TTC22: variants seen among roughly 807,000 people sequenced by gnomAD.
The protein encoded by TTC22 is tetratricopeptide repeat domain 22.
In TTC22, 42 loss-of-function variants were observed where a neutral mutation model predicts 48.2. The ratio of observed to expected loss-of-function variants is 0.87; its 90% CI spans 0.68 to 1.13. TTC22 has a LOEUF of 1.13. Ranked by LOEUF, TTC22 falls within the 50% of genes most tolerant of loss-of-function variation. The pLI is 0.00. For missense variants in TTC22, 784 were observed against 807.0 expected (o/e 0.97, Z 0.34); for synonymous variants, 345 against 365.5 (o/e 0.94, Z 0.64).
chr1:54,794,517 A>G (rs1646375923), intron 1 of TTC22, among the ~76,000 whole-genome samples: 1 of 152,202 alleles, frequency 6.6e-6, no homozygotes, highest in Non-Finnish European at 1.5e-5. Context: ...TCTTAAGGAA[A>G]ATATTTGCCT....
intron 5 of TTC22, among the ~76,000 whole-genome samples, chr1:54,783,601 G>A (rs1433023450): frequency 1.3e-5 from 2 of 152,158 alleles, no homozygotes; most frequent in Non-Finnish European, 2.9e-5. Flanking sequence ...TATATGTTTT[G>A]GGGGAGAGAG....
chr1:54,787,253 T>A (rs1167326023), intron 3 of TTC22, 178 bp from the exon 4 acceptor site: 1 of 538,978 alleles, frequency 1.9e-6, no homozygotes, highest in Admixed American at 3.6e-5. Context: ...ATGTGAGGGG[T>A]TAGTGAACCC....
chr1:54,796,201 C>G (rs904618001), intron 1 of TTC22, among the ~76,000 whole-genome samples: 43 of 152,246 alleles, frequency 2.8e-4, no homozygotes, highest in Non-Finnish European at 1.9e-4. Flanking sequence ...CGCGTGCGCA[C>G]GTGTGGACAC....
chr1:54,786,311 G>T, intron 4 of TTC22, 167 bp from the exon 5 acceptor site: 1 of 612,956 alleles, frequency 1.6e-6, no homozygotes, highest in East Asian at 2.9e-5. Context: ...GTCACATCAC[G>T]AAGCCCCAAC....
intron 6 of TTC22, 130 bp from the exon 7 acceptor site, chr1:54,781,909 T>G: frequency 1.2e-6 from 1 of 863,638 alleles, no homozygotes; most frequent in South Asian, 2.3e-5. Context: ...CGACAATTAT[T>G]AATCACACGT....
chr1:54,785,577 C>T (rs1352519613), intron 5 of TTC22: 4 of 450,862 alleles, frequency 8.9e-6, no homozygotes, highest in Admixed American at 4.8e-5. Flanking sequence ...TTTGGGAGGT[C>T]GAGGTGGGAG....
chr1:54,788,239 C>G (rs1359950357), intron 1 of TTC22, 142 bp from the exon 2 acceptor site: 1 of 775,902 alleles, frequency 1.3e-6, no homozygotes, highest in African/African-American at 1.7e-5. Flanking sequence ...GATTACAGTC[C>G]TGGTTCTGCC....
At chr1:54,794,712 T>C (rs1375300092) in intron 1 of TTC22, 1 of 152,074 alleles carries the variant, frequency 6.6e-6, no homozygotes, top group East Asian at 1.9e-4. Flanking sequence ...CCTCAGAAGG[T>C]ATAATGCATC....
chr1:54,791,384 G>A (rs1490309643), intron 1 of TTC22, among the ~76,000 whole-genome samples: 3 of 152,200 alleles, frequency 2.0e-5, no homozygotes, highest in Non-Finnish European at 4.4e-5. Flanking sequence ...TGAGATGGGT[G>A]ACCTTGGGGG....
chr1:54,782,247 G>T (rs1646268432), intron 6 of TTC22, 78 bp downstream of exon 6: 1 of 1,397,562 alleles, frequency 7.2e-7, no homozygotes, highest in African/African-American at 1.5e-5. Context: ...CTGCATCTTG[G>T]CCTAGCCCTT....
chr1:54,787,303 A>C, intron 3 of TTC22: 1 of 544,400 alleles, frequency 1.8e-6, no homozygotes, highest in African/African-American at 1.9e-5. Context: ...TCATCGGGGG[A>C]CCTAATTTCA....
chr1:54,785,917 T>C (rs1646296459), intron 5 of TTC22, 66 bp downstream of exon 5: 1 of 1,523,142 alleles, frequency 6.6e-7, no homozygotes, highest in Admixed American at 1.9e-5. Flanking sequence ...CAACAGGGTC[T>C]TGGCCTCTGG....
rs1253596022 is a variant in TTC22 at position 54,781,321 on chromosome 1, C to T, written c.1632G>A (p.Val544=). The stretch of plus-strand genomic sequence containing the variant: ...GCTCCATGGTCTCGAAGAGCAGCCG[C>T]ACCAGCGCCGGCCGTCCCTGGGCCA... ...ALVAQGRPAL[V]RLLFETMERE... is the part of the protein sequence containing the mutation. The change falls in exon 7 of 7, where the codon GTG becomes GTA. Residue 544 remains valine (V), a synonymous_variant. Transcript: ENST00000371276. 8.3e-6 allele frequency: 12 copies of T among 1,439,082 alleles called. No homozygotes were observed. The highest frequency in any genetic ancestry group is 1.1e-5 in the Non-Finnish European group (12 of 1,107,046). The allele number at this position is 1,439,082 out of a possible 1,614,324, so 89.1% of individuals were successfully genotyped here.
intron 1 of TTC22, among the ~76,000 whole-genome samples, chr1:54,800,186 C>G (rs753172397): frequency 2.0e-5 from 3 of 152,116 alleles, no homozygotes; most frequent in Non-Finnish European, 4.4e-5. Flanking sequence ...GCTGTGCTTC[C>G]CTGTGCTCCC....
rs377232912 is a variant in TTC22, at chr1:54,783,678, C to T, written c.1021-1201G>A. Among the ~76,000 whole-genome samples, 120 of 152,198 alleles carry T rather than the reference C, an allele frequency of 7.9e-4. 1 individual carries two copies. The South Asian group carries it at 0.024, about 31-fold the overall frequency. ...GATTAGTGCTAAGAAGAAAACTAAACCAGGAAAGGAAAACATAAAATGTTG... is the reference window on the plus strand; with the variant it reads ...GATTAGTGCTAAGAAGAAAACTAAATCAGGAAAGGAAAACATAAAATGTTG... On this transcript the variant is annotated intron_variant, in intron 5 of 6. Transcript: ENST00000371276.
intron 1 of TTC22, among the ~76,000 whole-genome samples, chr1:54,799,229 C>T (rs1012378980): frequency 6.6e-6 from 1 of 152,202 alleles, no homozygotes; most frequent in African/African-American, 2.4e-5. Flanking sequence ...CCCTGGAGTG[C>T]TGGGCACCCT....
At position 54,787,008 on chromosome 1, in the gene TTC22, G is replaced by A. The variant is rs746337845; in HGVS notation, c.807C>T (p.Gly269=). Reference sequence around the variant, plus strand: ...TCCCTGAGTACCCGCAGTCATGGACGCCCATGGGGGTGGTGGAGAAGGTGT... The same window carrying A: ...TCCCTGAGTACCCGCAGTCATGGACACCCATGGGGGTGGTGGAGAAGGTGT... ...RKDTFSTTPM[G]VHDCGYSGTD... Residue 269 remains glycine, a synonymous_variant, in exon 4 of 7, where the codon GGC becomes GGT. Transcript: ENST00000371276. 1.0e-5 allele frequency: 16 copies of A among 1,562,706 alleles called. No homozygotes were observed. The highest frequency in any genetic ancestry group is 2.4e-5 in the South Asian group (2 of 83,720).
intron 5 of TTC22, chr1:54,784,693 G>A (rs2101442610): frequency 1.7e-6 from 2 of 1,177,290 alleles, no homozygotes; most frequent in Non-Finnish European, 2.2e-6. Context: ...AAGTAATTAA[G>A]CCACTGAGAC....
intron 4 of TTC22, 32 bp downstream of exon 4, chr1:54,786,925 T>G: frequency 8.5e-6 from 10 of 1,177,438 alleles, no homozygotes; most frequent in Non-Finnish European, 1.2e-5. Flanking sequence ...TCCTTCTCAG[T>G]TTAGAGGGTG....
Sources: allele counts gnomAD v4.1 joint callset (sites outside exome capture counted in the v4.1 genomes callset), GRCh38; gene constraint gnomAD v4.1.1; transcripts MANE v1.5; gene names NCBI Gene and HGNC (gene_info 2026-07-23, HGNC 2026-07-21).